The following HPSE2 variants were observed in gnomAD, a reference collection of about 807,000 sequenced individuals.
The protein encoded by HPSE2 is heparanase 2 (inactive), also known as inactive heparanase-2.
Under a neutral mutation model 60.5 loss-of-function variants are expected in HPSE2, and 38 were observed. That is an observed-to-expected ratio of 0.63 (90% CI 0.48 to 0.82). The LOEUF is 0.82. Ranked by LOEUF, HPSE2 falls within the 40% of genes least tolerant of loss-of-function variation. HPSE2 has a pLI of 0.00. For missense variants in HPSE2, 713 were observed against 740.4 expected (o/e 0.96, Z 0.43); for synonymous variants, 295 against 293.2 (o/e 1.01, Z -0.06).
chr10:98,859,477 C>T (rs1476680062), intron 3 of HPSE2, among the ~76,000 whole-genome samples: 1 of 152,144 alleles, frequency 6.6e-6, no homozygotes, highest in African/African-American at 2.4e-5. Context: ...TGTGGGCAGG[C>T]ATCATCTAAT....
At chr10:98,647,248 T>C (rs1946794770) in intron 6 of HPSE2, among the ~76,000 whole-genome samples, 1 of 152,220 alleles carries the variant, frequency 6.6e-6, no homozygotes, top group African/African-American at 2.4e-5. Context: ...TCTTCAGGAT[T>C]GTACTACAAT....
At chr10:98,557,442 A>G (rs1366509997) in intron 9 of HPSE2, among the ~76,000 whole-genome samples, 1 of 152,064 alleles carries the variant, frequency 6.6e-6, no homozygotes, top group Non-Finnish European at 1.5e-5. Context: ...ATGTTTATTG[A>G]CTCCTACCTT....
rs72831951 is a variant in HPSE2 at position 98,629,453 on chromosome 10, T to G, written c.1099-8745A>C. 7.0e-3 allele frequency among the ~76,000 whole-genome samples: 1,059 copies of G among 152,322 alleles called. 8 individuals are homozygous for G. Among genetic ancestry groups the G allele is most frequent in the South Asian group, 0.027 (130 of 4,826 alleles). On this transcript the variant is annotated intron_variant, in intron 7 of 11. Coordinates refer to ENST00000370552, the MANE Select transcript of HPSE2 (RefSeq NM_021828.5). Reference sequence around the variant, plus strand: ...CTTTGTTCCTTATTGTATTTATAAGTGGTCAAGGCGAGAGCTCTGTGCCCT... The same window carrying G: ...CTTTGTTCCTTATTGTATTTATAAGGGGTCAAGGCGAGAGCTCTGTGCCCT...
chr10:98,902,624 C>G (rs1776007972), intron 3 of HPSE2, among the ~76,000 whole-genome samples: 1 of 152,086 alleles, frequency 6.6e-6, no homozygotes, highest in Non-Finnish European at 1.5e-5. Context: ...TACTTTCTAA[C>G]TTAAAACCCT....
intron 3 of HPSE2, among the ~76,000 whole-genome samples, chr10:99,084,728 A>G (rs975621635): frequency 2.0e-4 from 31 of 152,366 alleles, no homozygotes; most frequent in Admixed American, 2.0e-4. Context: ...GCAGAGACAG[A>G]ACCTCTTGTA....
At chr10:99,174,760 A>G (rs1317774801) in intron 2 of HPSE2, among the ~76,000 whole-genome samples, 1 of 152,228 alleles carries the variant, frequency 6.6e-6, no homozygotes, top group Non-Finnish European at 1.5e-5. Flanking sequence ...ATTAAATTAA[A>G]AAGAAGCCAT....
At chr10:99,136,621 C>T (rs1343546903) in intron 3 of HPSE2, among the ~76,000 whole-genome samples, 2 of 152,156 alleles carry the variant, frequency 1.3e-5, no homozygotes, top group Non-Finnish European at 2.9e-5. Context: ...ACCACATGAA[C>T]AGAACCAATC....
chr10:99,186,775 T>C (rs933430460), intron 2 of HPSE2, among the ~76,000 whole-genome samples: 1 of 152,074 alleles, frequency 6.6e-6, no homozygotes, highest in Non-Finnish European at 1.5e-5. Flanking sequence ...AAGGAATATA[T>C]GTCAAAAACA....
At chr10:98,828,386 C>A (rs1951602070) in intron 3 of HPSE2, among the ~76,000 whole-genome samples, 1 of 152,034 alleles carries the variant, frequency 6.6e-6, no homozygotes, top group Admixed American at 6.5e-5. Flanking sequence ...AGTGGTAGAG[C>A]CTGGCTAGAA....
intron 7 of HPSE2, among the ~76,000 whole-genome samples, chr10:98,637,025 C>G (rs908864927): frequency 2.6e-5 from 4 of 152,198 alleles, no homozygotes; most frequent in African/African-American, 9.7e-5. Flanking sequence ...ATTATCAACT[C>G]TTTCCTTTGA....
intron 2 of HPSE2, among the ~76,000 whole-genome samples, chr10:99,152,521 T>C (rs1846313133): frequency 6.6e-6 from 1 of 152,102 alleles, no homozygotes; most frequent in Non-Finnish European, 1.5e-5. Flanking sequence ...CGTAAGATTA[T>C]ATATAGAAGA....
intron 11 of HPSE2, among the ~76,000 whole-genome samples, chr10:98,475,843 A>G (rs1240563365): frequency 6.6e-6 from 1 of 152,194 alleles, no homozygotes; most frequent in Non-Finnish European, 1.5e-5. Flanking sequence ...AAGAACTTTT[A>G]AAAGGGTCTG....
intron 9 of HPSE2, among the ~76,000 whole-genome samples, chr10:98,609,996 C>T (rs1002268099): frequency 6.6e-6 from 1 of 152,076 alleles, no homozygotes; most frequent in Non-Finnish European, 1.5e-5. Context: ...TGCCCGCCAC[C>T]ATGCCTGGCT....
At chr10:98,777,222 C>G (rs1950360298) in intron 3 of HPSE2, among the ~76,000 whole-genome samples, 1 of 152,126 alleles carries the variant, frequency 6.6e-6, no homozygotes, top group South Asian at 2.1e-4. Context: ...GCCATTTACT[C>G]TCATCCCTAT....
intron 5 of HPSE2, among the ~76,000 whole-genome samples, chr10:98,703,475 AC>A (rs1390223493): frequency 1.4e-5 from 1 of 69,224 alleles, no homozygotes; most frequent in Non-Finnish European, 4.1e-5. Context: ...CAGAGACACA[AC>A]AAAAAAAAGA....
chr10:98,888,697 C>T (rs1264645767), intron 3 of HPSE2, among the ~76,000 whole-genome samples: 1 of 152,198 alleles, frequency 6.6e-6, no homozygotes, highest in Non-Finnish European at 1.5e-5. Context: ...CTGAAAAACA[C>T]ATAATTCATT....
chr10:99,225,499 C>G (rs1849443531), intron 2 of HPSE2, among the ~76,000 whole-genome samples: 1 of 152,020 alleles, frequency 6.6e-6, no homozygotes. Flanking sequence ...AAATAACAAG[C>G]AAATTTTAAG....
At chr10:98,726,042 G>A (rs1347435835) in intron 4 of HPSE2, among the ~76,000 whole-genome samples, 1 of 152,188 alleles carries the variant, frequency 6.6e-6, no homozygotes, top group African/African-American at 2.4e-5. Context: ...TGGTGGGACT[G>A]TAAACTAGTT....
intron 3 of HPSE2, among the ~76,000 whole-genome samples, chr10:99,117,417 GAAAAAAAAAAAAAA>G (rs1157232317): frequency 3.5e-3 from 86 of 24,818 alleles, no homozygotes; most frequent in African/African-American, 8.9e-3. Flanking sequence ...TTGTTTTTTT[GAAAAAAAAAAAAAA>G]AAAAAAAAAA....
Sources: gnomAD v4.1 joint callset for allele counts (sites outside exome capture counted in the v4.1 genomes callset) on GRCh38, gnomAD v4.1.1 for gene constraint, MANE v1.5 for transcripts, NCBI Gene and HGNC (gene_info 2026-07-23, HGNC 2026-07-21) for gene names.